Variants in LSS observed in about 807,000 individuals in gnomAD.
LSS encodes 2,3-epoxysqualene-lanosterol cyclase.
In LSS, 90 loss-of-function variants were observed where a neutral mutation model predicts 110.3. That is an observed-to-expected ratio of 0.82 (90% CI 0.69 to 0.97). LSS has a LOEUF of 0.97. Ranked by LOEUF, LSS falls within the 50% of genes least tolerant of loss-of-function variation. The pLI is 0.00. For missense variants in LSS, 927 were observed against 990.0 expected (o/e 0.94, Z 0.85); for synonymous variants, 433 against 400.0 (o/e 1.08, Z -0.98).
Position 46,215,264 on chromosome 21 carries a change from G to C in LSS, c.927C>G (p.Ala309=), listed in dbSNP as rs140661430. 294 of 1,610,610 alleles carry C rather than the reference G, an allele frequency of 1.8e-4. No individual in the cohort carries two copies. The African/African-American group carries it at 3.6e-3, about 20-fold the overall frequency. The change falls in exon 9 of 22, where the codon GCC becomes GCG. Residue 309 remains alanine (A), a synonymous_variant. Transcript: ENST00000397728. ...LLNLYEHHHS[A]HLRQRAVQKL... is the part of the protein sequence containing the mutation. ...TCTGCACGGCCCGCTGCCGCAGGTGGGCACTGTGGTGGTGCTCATACAGGT... is the reference window on the plus strand; with the variant it reads ...TCTGCACGGCCCGCTGCCGCAGGTGCGCACTGTGGTGGTGCTCATACAGGT...
intron 10 of LSS, 103 bp from the exon 11 acceptor site, chr21:46,213,155 C>T: frequency 1.8e-6 from 2 of 1,138,000 alleles, no homozygotes; most frequent in African/African-American, 1.5e-5. Context: ...GCCGTCTGTC[C>T]CCTCCCGAGG....
chr21:46,225,306 C>T (rs771730438), intron 3 of LSS: 3 of 431,024 alleles, frequency 7.0e-6, no homozygotes, highest in African/African-American at 2.1e-5. Flanking sequence ...CTGTTAAGCC[C>T]GGACAAGGCC....
At chr21:46,199,189 A>C (rs1437061784) in intron 17 of LSS, among the ~76,000 whole-genome samples, 1 of 152,274 alleles carries the variant, frequency 6.6e-6, no homozygotes, top group African/African-American at 2.4e-5. Flanking sequence ...CAACAATAAG[A>C]AAATTTAATT....
rs759002013 is a variant in LSS, at chr21:46,221,982, G to A, written c.429-7C>T. On this transcript the variant is annotated splice_region_variant and splice_polypyrimidine_tract_variant and intron_variant, in intron 4 of 21. Transcript: ENST00000397728. ...GGACTTATCCTCAATGTGCCTACAG[G>A]AGCAGAGGACAGGTGAGAAACCGGT... The A allele has an allele frequency of 1.9e-6, 3 of 1,614,138 alleles. No homozygotes were observed. Among genetic ancestry groups the A allele is most frequent in the Non-Finnish European group, 2.5e-6 (3 of 1,180,018 alleles).
At position 46,207,443 on chromosome 21, in the gene LSS, G is replaced by A. The variant is rs746697010; in HGVS notation, c.1452C>T (p.Cys484=). Residue 484 remains cysteine (C), a synonymous_variant, in exon 15 of 22, where the codon TGC becomes TGT. Coordinates refer to ENST00000397728, the MANE Select transcript of LSS (RefSeq NM_002340.6). ...VTEHIPRERL[C]DAVAVLLNMR... ...ACAGCCTTACCACAGCCACAGCATC[G>A]CAGAGCCGTTCTCTGGGGATGTGCT... 69 of 1,612,138 alleles carry A rather than the reference G, an allele frequency of 4.3e-5. No homozygotes were observed. Among genetic ancestry groups the A allele is most frequent in the South Asian group, 4.0e-4 (36 of 90,604 alleles).
rs1048879394 is a variant in LSS, at chr21:46,188,946, C to T, written c.*2158G>A. On this transcript the variant is annotated 3_prime_UTR_variant, in exon 22 of 22. Transcript: ENST00000397728. The stretch of plus-strand genomic sequence containing the variant: ...ATTAAAATAGGCTATGCTATTATCT[C>T]TTAAAATATCTGTTTTCCCTCAGGT... The T allele has an allele frequency of 8.1e-6, 3 of 368,532 alleles. No individual in the cohort carries two copies. The highest frequency in any genetic ancestry group is 6.4e-5 in the African/African-American group (3 of 46,792). The allele number at this position is 368,532 out of a possible 1,614,324, so 22.8% of individuals were successfully genotyped here.
At chr21:46,218,099 C>T (rs1569033535) in intron 6 of LSS, among the ~76,000 whole-genome samples, 1 of 126,276 alleles carries the variant, frequency 7.9e-6, no homozygotes, top group African/African-American at 2.9e-5. Context: ...ACTTGACCCC[C>T]CACCCCCCAC....
At position 46,213,773 on chromosome 21, in the gene LSS, G is replaced by A; in HGVS notation, c.1074C>T (p.Phe358=). Residue 358 remains phenylalanine, a synonymous_variant, in exon 10 of 22, where the codon TTC becomes TTT. Transcript: ENST00000397728. ...WYVDGPASTA[F]QEHVSRIPDY... The stretch of plus-strand genomic sequence containing the variant: ...CCGGGATTCTGGAGACATGCTCCTG[G>A]AAGGCAGTGGAGGCGGGCCCGTCCA... 6.2e-7 allele frequency: 1 copy of A among 1,614,096 alleles called. No individual in the cohort carries two copies. The highest frequency in any genetic ancestry group is 8.5e-7 in the Non-Finnish European group (1 of 1,179,996).
intron 20 of LSS, 42 bp from the exon 21 acceptor site, chr21:46,192,001 C>A: frequency 7.1e-7 from 1 of 1,398,990 alleles, no homozygotes; most frequent in African/African-American, 1.4e-5. Flanking sequence ...CATGCATGCC[C>A]CCACAGCATC....
At chr21:46,221,655 C>G (rs2123758036) in intron 5 of LSS, 199 bp downstream of exon 5, 4 of 679,338 alleles carry the variant, frequency 5.9e-6, no homozygotes, top group Non-Finnish European at 9.7e-6. Flanking sequence ...ACTCACTGTG[C>G]CTGGCTCTTA....
In LSS at chr21:46,216,840, C is replaced by T. The variant is rs2080213486; in HGVS notation, c.648-316G>A. ...AACGTACCTTGGTAACATAAAACAT[C>T]AACAATGGGGATATGGTGTGAGGGC... is the stretch of plus-strand genomic sequence containing the variant. On this transcript the variant is annotated intron_variant, in intron 6 of 21. Transcript: ENST00000397728. This position sits in a 1 kb window ranked among gnomAD's most constrained non-coding sequence, Gnocchi z 4.2. Among the ~76,000 whole-genome samples the T allele has an allele frequency of 6.6e-6, 1 of 152,116 alleles. No homozygotes were observed. The highest frequency in any genetic ancestry group is 2.4e-5 in the African/African-American group (1 of 41,414).
At chr21:46,195,627 A>G in intron 19 of LSS, 49 bp downstream of exon 19, 2 of 1,469,952 alleles carry the variant, frequency 1.4e-6, no homozygotes, top group Non-Finnish European at 1.9e-6. Flanking sequence ...CTCATGACAG[A>G]GCATTGGGTT....
intron 20 of LSS, chr21:46,192,459 C>T (rs1331819919): frequency 2.2e-6 from 1 of 453,348 alleles, no homozygotes; most frequent in East Asian, 6.9e-5. Flanking sequence ...TAGGAAGATT[C>T]CCCAAATGGC....
At chr21:46,208,349 G>T (rs987595139) in intron 13 of LSS, 48 bp from the exon 14 acceptor site, 6 of 1,487,026 alleles carry the variant, frequency 4.0e-6, no homozygotes, top group Non-Finnish European at 5.5e-6. Context: ...ACGTCACCAC[G>T]GGACGTCCCC....
intron 3 of LSS, among the ~76,000 whole-genome samples, chr21:46,226,135 CAA>C (rs60505491): frequency 0.054 from 7,420 of 136,378 alleles, 214 homozygotes; most frequent in Non-Finnish European, 0.074. Context: ...AACGCTGTCT[CAA>C]AAAAAAAAAA....
intron 3 of LSS, among the ~76,000 whole-genome samples, chr21:46,223,339 C>T (rs1291997396): frequency 1.3e-5 from 2 of 152,216 alleles, no homozygotes; most frequent in African/African-American, 2.4e-5. Context: ...ACAGGCCACC[C>T]TCCACCTTCA....
chr21:46,215,109 G>A (rs753001459), intron 9 of LSS, 71 bp downstream of exon 9: 39 of 1,300,598 alleles, frequency 3.0e-5, no homozygotes, highest in Non-Finnish European at 3.5e-5. Context: ...CTCACAGCCC[G>A]GCCTCTAGGA....
intron 17 of LSS, chr21:46,196,516 G>A: frequency 1.9e-6 from 1 of 529,254 alleles, no homozygotes; most frequent in Non-Finnish European, 3.4e-6. Flanking sequence ...AGCCCCTGCA[G>A]ACACAGCTGC....
chr21:46,202,404 A>AT (rs1296934216), intron 17 of LSS, among the ~76,000 whole-genome samples: 5,184 of 150,180 alleles, frequency 0.035, 311 homozygotes, highest in African/African-American at 0.12. Context: ...AAAAAAAAAA[A>AT]AAATAAATAA....
Sources: allele counts gnomAD v4.1 joint callset (sites outside exome capture counted in the v4.1 genomes callset), GRCh38; gene constraint gnomAD v4.1.1; non-coding constraint Gnocchi (gnomAD v3.1); transcripts MANE v1.5; gene names NCBI Gene and HGNC (gene_info 2026-07-23, HGNC 2026-07-21).